STRN: variants seen among roughly 807,000 people sequenced by gnomAD.
STRN encodes striatin, also known as protein phosphatase 2 regulatory subunit B'''alpha.
A neutral mutation model predicts 96.3 loss-of-function variants in STRN; 53 were observed. That is an observed-to-expected ratio of 0.55 (90% CI 0.44 to 0.69). The LOEUF is 0.69. STRN is among the 30% of genes least tolerant of loss of function. STRN has a pLI of 0.00. For synonymous variants in STRN, 428 were observed against 355.9 expected (o/e 1.20, Z -2.28); for missense variants, 987 against 963.9 (o/e 1.02, Z -0.32).
intron 8 of STRN, among the ~76,000 whole-genome samples, chr2:36,885,770 A>G (rs570965881): frequency 6.6e-6 from 1 of 152,282 alleles, no homozygotes; most frequent in African/African-American, 2.4e-5. Context: ...AAGAAAAAGC[A>G]TACCTTTCCA....
intron 5 of STRN, among the ~76,000 whole-genome samples, chr2:36,901,272 G>C (rs537795459): frequency 6.6e-6 from 1 of 152,204 alleles, no homozygotes; most frequent in East Asian, 1.9e-4. Flanking sequence ...TATACTATTG[G>C]CCAGGCGTGG....
At chr2:36,856,790 T>C (rs569887202) in intron 14 of STRN, among the ~76,000 whole-genome samples, 3 of 152,268 alleles carry the variant, frequency 2.0e-5, no homozygotes, top group African/African-American at 7.2e-5. Flanking sequence ...GGTGATTGGA[T>C]CATGGGGTGG....
intron 12 of STRN, among the ~76,000 whole-genome samples, chr2:36,863,837 A>C (rs1317854852): frequency 1.3e-5 from 2 of 152,186 alleles, no homozygotes; most frequent in African/African-American, 4.8e-5. Context: ...TTCTTTGAGC[A>C]GTGTTTTGTA....
chr2:36,891,891 G>C (rs1179472380), intron 7 of STRN, among the ~76,000 whole-genome samples: 1 of 152,108 alleles, frequency 6.6e-6, no homozygotes, highest in Non-Finnish European at 1.5e-5. Flanking sequence ...AAATGAATGA[G>C]AGAAGGAAAA....
intron 4 of STRN, among the ~76,000 whole-genome samples, chr2:36,904,939 TAAC>T (rs971647887): frequency 1.3e-5 from 2 of 151,214 alleles, no homozygotes; most frequent in Non-Finnish European, 2.9e-5. Context: ...TTTTAAAACA[TAAC>T]AAAATTGCAT....
At chr2:36,933,059 TACACACACAC>T (rs61245812) in intron 1 of STRN, among the ~76,000 whole-genome samples, 17 of 148,080 alleles carry the variant, frequency 1.1e-4, no homozygotes, top group Admixed American at 4.1e-4. Context: ...TTTTTTAATT[TACACACACAC>T]ACACACACAC....
chr2:36,935,596 A>C (rs1415890978), intron 1 of STRN, among the ~76,000 whole-genome samples: 1 of 152,264 alleles, frequency 6.6e-6, no homozygotes, highest in Non-Finnish European at 1.5e-5. Context: ...ACATAAAATA[A>C]TTAAGTGCCT....
intron 2 of STRN, among the ~76,000 whole-genome samples, chr2:36,920,019 T>G (rs1401203998): frequency 6.6e-6 from 1 of 152,212 alleles, no homozygotes; most frequent in Non-Finnish European, 1.5e-5. Flanking sequence ...TTAGAAAATC[T>G]GCAAAAATCA....
chr2:36,878,102 A>C lies in STRN; in HGVS notation c.1187-75T>G, dbSNP rs1034705287. The C allele has an allele frequency of 1.9e-6, 3 of 1,545,056 alleles. No individual in the cohort carries two copies. In the African/African-American group the frequency reaches 4.1e-5, roughly 21 times the overall value. ...ATTTAGTCTCATTTGCTTGCATCAA[A>C]TTTCTTATAAGTGCACGTATATACT... On this transcript the variant is annotated intron_variant, in intron 9 of 17. Transcript: ENST00000263918.
chr2:36,931,981 C>T (rs1670586760), intron 1 of STRN, among the ~76,000 whole-genome samples: 1 of 152,092 alleles, frequency 6.6e-6, no homozygotes. Context: ...CGACCACATG[C>T]AGCTGATTTT....
chr2:36,851,095 G>A lies in STRN; in HGVS notation c.1991C>T (p.Ser664Phe), dbSNP rs868322802. The A allele has an allele frequency of 3.1e-6, 5 of 1,612,724 alleles. No homozygotes were observed. Among genetic ancestry groups the A allele is most frequent in the Non-Finnish European group, 4.2e-6 (5 of 1,179,528 alleles). Residue 664 changes from serine to phenylalanine, a missense_variant, in exon 16 of 18, where the codon TCC becomes TTC. Coordinates refer to ENST00000263918, the MANE Select transcript of STRN (RefSeq NM_003162.4). ...ESNVDTTANS[S>F]CQINRVISHP... Reference sequence around the variant, plus strand: ...ACTGATGACTCTATTTATTTGGCAGGAAGAGTTGGCTGCTAAAAAGAAAAA... The same window carrying A: ...ACTGATGACTCTATTTATTTGGCAGAAAGAGTTGGCTGCTAAAAAGAAAAA...
intron 1 of STRN, among the ~76,000 whole-genome samples, chr2:36,932,471 C>T (rs760482646): frequency 6.6e-6 from 1 of 152,092 alleles, no homozygotes; most frequent in South Asian, 2.1e-4. Context: ...CACATTTTAA[C>T]AAACTAGTCA....
chr2:36,894,423 T>C (rs1439837132), intron 6 of STRN, among the ~76,000 whole-genome samples: 1 of 152,228 alleles, frequency 6.6e-6, no homozygotes, highest in Non-Finnish European at 1.5e-5. Flanking sequence ...AGAGTACATC[T>C]AACTTAGATT....
At chr2:36,877,814 C>T (rs768855747) in intron 10 of STRN, 77 bp downstream of exon 10, 57 of 1,540,940 alleles carry the variant, frequency 3.7e-5, no homozygotes, top group Middle Eastern at 1.8e-4. Context: ...GGATTACAGG[C>T]GTGAGCCACC....
intron 12 of STRN, among the ~76,000 whole-genome samples, chr2:36,865,750 T>C (rs1668605820): frequency 6.6e-6 from 1 of 151,984 alleles, no homozygotes; most frequent in Non-Finnish European, 1.5e-5. Context: ...TTAGTAGAGA[T>C]GGGGTTTCAC....
At position 36,843,365 on chromosome 2, in the gene STRN, C is replaced by T. The variant is rs1186192525; in HGVS notation, c.*6091G>A. Among the ~76,000 whole-genome samples the T allele has an allele frequency of 1.3e-5, 2 of 151,934 alleles. No individual in the cohort carries two copies. The highest frequency in any genetic ancestry group is 4.8e-5 in the African/African-American group (2 of 41,354). On this transcript the variant is annotated 3_prime_UTR_variant, in exon 18 of 18. Coordinates refer to ENST00000263918, the MANE Select transcript of STRN (RefSeq NM_003162.4). ...GAAAAATAATGTTGATTTGAAGGGG[C>T]AGGGAGTGTGGAAGGCTTGTGTATG... is the stretch of plus-strand genomic sequence containing the variant.
At chr2:36,894,111 T>C in intron 6 of STRN, 78 bp from the exon 7 acceptor site, 1 of 1,510,636 alleles carries the variant, frequency 6.6e-7, no homozygotes, top group East Asian at 2.3e-5. Flanking sequence ...AATTATTTTC[T>C]TCAGAAAGTA....
chr2:36,858,568 C>T (rs1383837544), intron 13 of STRN, among the ~76,000 whole-genome samples: 1 of 152,182 alleles, frequency 6.6e-6, no homozygotes, highest in Non-Finnish European at 1.5e-5. Flanking sequence ...AACTGAGATG[C>T]AGTGATAGTG....
chr2:36,863,771 ATTCT>A lies in STRN; in HGVS notation c.1548-2522_1548-2519del, dbSNP rs200175054. 2.6e-5 allele frequency among the ~76,000 whole-genome samples: 4 copies of A among 152,300 alleles called. No homozygotes were observed. In the East Asian group the frequency reaches 5.8e-4, roughly 22 times the overall value. Reference sequence around the variant, plus strand: ...GGCAGTACGGCCATTTTAACAATAGATTCTTTCTATCCATGAGCATGGAATGTTT... The same window carrying A: ...GGCAGTACGGCCATTTTAACAATAGATTCTATCCATGAGCATGGAATGTTT... On this transcript the variant is annotated intron_variant, in intron 12 of 17. Transcript: ENST00000263918.
Sources: allele counts gnomAD v4.1 joint callset (sites outside exome capture counted in the v4.1 genomes callset), GRCh38; gene constraint gnomAD v4.1.1; transcripts MANE v1.5; gene names NCBI Gene and HGNC (gene_info 2026-07-23, HGNC 2026-07-21).